Variants in FAR1 observed in about 807,000 individuals in gnomAD.
FAR1 encodes fatty acyl-CoA reductase 1, also known as male sterility domain-containing protein 2.
A neutral mutation model predicts 61.1 loss-of-function variants in FAR1; 22 were observed. The ratio of observed to expected loss-of-function variants is 0.36; its 90% CI spans 0.26 to 0.51. The LOEUF (loss-of-function observed/expected upper bound fraction) is 0.51, where lower values mean the gene tolerates loss of function less well. Ranked by LOEUF, FAR1 falls within the 20% of genes least tolerant of loss-of-function variation. The pLI is 0.95. For synonymous variants in FAR1, 206 were observed against 209.7 expected, an observed-to-expected ratio of 0.98 and a Z score of 0.15; for missense variants, 359 against 626.9, an observed-to-expected ratio of 0.57 and a Z score of 4.56.
In FAR1 at chr11:13,728,648, T is replaced by G; in HGVS notation, c.1422T>G (p.Leu474=). 6.2e-7 allele frequency: 1 copy of G among 1,612,418 alleles called. No individual in the cohort carries two copies. Among genetic ancestry groups the G allele is most frequent in the South Asian group, 1.1e-5 (1 of 91,028 alleles). The part of the protein sequence containing the change: ...RNIRYGFNTI[L]VILIWRIFIA... ...TACGTTATGGTTTTAATACTATCCT[T>G]GTGATCCTCATCTGGCGCATTTTTA... Residue 474 remains leucine (L), a synonymous_variant, in exon 12 of 12, where the codon CTT becomes CTG. Transcript: ENST00000354817.
chr11:13,672,560 A>AG (rs1565336568), intron 1 of FAR1, among the ~76,000 whole-genome samples: 1 of 151,344 alleles, frequency 6.6e-6, no homozygotes. Context: ...AAAAAAAAAA[A>AG]GTGAGCATTA....
chr11:13,727,124 C>T (rs1848675267), intron 10 of FAR1, among the ~76,000 whole-genome samples: 1 of 151,946 alleles, frequency 6.6e-6, no homozygotes, highest in South Asian at 2.1e-4. Flanking sequence ...GTTTTCATAA[C>T]GCATCTTGAT....
intron 3 of FAR1, among the ~76,000 whole-genome samples, chr11:13,703,195 T>C (rs773179820): frequency 6.6e-6 from 1 of 152,058 alleles, no homozygotes; most frequent in Admixed American, 6.5e-5. Flanking sequence ...TTTTTGTTTT[T>C]GTTTGAGATA....
chr11:13,694,671 A>G, intron 1 of FAR1, 88 bp from the exon 2 acceptor site: 1 of 1,176,362 alleles, frequency 8.5e-7, no homozygotes, highest in Non-Finnish European at 1.2e-6. Context: ...TGCTTTTTAA[A>G]ATACTTATTT....
At chr11:13,708,464 CACACACACACACAT>C (rs769177742) in intron 4 of FAR1, among the ~76,000 whole-genome samples, 3 of 148,026 alleles carry the variant, frequency 2.0e-5, no homozygotes, top group African/African-American at 5.1e-5. Context: ...CACACACACA[CACACACACACACAT>C]ACATTTATCT....
chr11:13,676,612 G>A (rs1433704807), intron 1 of FAR1, among the ~76,000 whole-genome samples: 1 of 152,132 alleles, frequency 6.6e-6, no homozygotes, highest in Non-Finnish European at 1.5e-5. Flanking sequence ...GGCCCTAAAT[G>A]AGTTTCTTAG....
intron 5 of FAR1, chr11:13,711,151 T>C (rs922900322): frequency 2.4e-5 from 9 of 370,582 alleles, no homozygotes; most frequent in African/African-American, 1.7e-4. Context: ...GTTTGTTTCT[T>C]AGTAGCAAAA....
At chr11:13,689,591 A>G (rs1351573612) in intron 1 of FAR1, among the ~76,000 whole-genome samples, 1 of 152,226 alleles carries the variant, frequency 6.6e-6, no homozygotes, top group Non-Finnish European at 1.5e-5. Context: ...TGGTGCTGTT[A>G]TAACCATACT....
At chr11:13,710,515 T>G (rs1848486347) in intron 4 of FAR1, among the ~76,000 whole-genome samples, 178 bp from the exon 5 acceptor site, 1 of 152,158 alleles carries the variant, frequency 6.6e-6, no homozygotes, top group South Asian at 2.1e-4. Flanking sequence ...GATAAGGGAT[T>G]GTGGACCTGT....
At chr11:13,722,951 A>T (rs1848628085) in intron 10 of FAR1, among the ~76,000 whole-genome samples, 1 of 151,966 alleles carries the variant, frequency 6.6e-6, no homozygotes, top group Non-Finnish European at 1.5e-5. Context: ...TGCCTGAAAT[A>T]TATTCAGCAT....
intron 2 of FAR1, among the ~76,000 whole-genome samples, chr11:13,698,577 TCC>T (rs1848334271): frequency 6.6e-6 from 1 of 152,110 alleles, no homozygotes; most frequent in Non-Finnish European, 1.5e-5. Flanking sequence ...ACGCCTATAA[TCC>T]CAGCGCTTTG....
intron 4 of FAR1, among the ~76,000 whole-genome samples, chr11:13,709,995 A>T (rs916038539): frequency 4.6e-5 from 7 of 152,074 alleles, no homozygotes; most frequent in African/African-American, 1.7e-4. Context: ...CTTCAAAGAG[A>T]ACTGGAGGAA....
Position 13,731,273 on chromosome 11 carries a change from CATAAA to C in FAR1, c.*2504_*2508del, listed in dbSNP as rs1468768537. On this transcript the variant is annotated 3_prime_UTR_variant, in exon 12 of 12. Transcript: ENST00000354817. ...AGTACGTTCTTTGACTTAAGGATGG[CATAAA>C]ATAATCATTTTTGAACCTGTGTAAT... is the stretch of plus-strand genomic sequence containing the variant. 2 of 152,558 alleles carry C rather than the reference CATAAA, an allele frequency of 1.3e-5. No homozygotes were observed. The highest frequency in any genetic ancestry group is 3.8e-4 in the East Asian group (2 of 5,196). The allele number at this position is 152,558 out of a possible 1,614,324, so 9.5% of individuals were successfully genotyped here.
At chr11:13,715,395 GTT>G in intron 9 of FAR1, among the ~76,000 whole-genome samples, 1 of 152,148 alleles carries the variant, frequency 6.6e-6, no homozygotes, top group East Asian at 1.9e-4. Flanking sequence ...GGTTGTCATT[GTT>G]ATTATAAGCT....
chr11:13,676,120 TCTG>T (rs1366300635), intron 1 of FAR1, among the ~76,000 whole-genome samples: 1 of 152,176 alleles, frequency 6.6e-6, no homozygotes, highest in Non-Finnish European at 1.5e-5. Context: ...TTCTGTGTGT[TCTG>T]CTTGCCTTTT....
chr11:13,698,044 T>C (rs556502542), intron 2 of FAR1, among the ~76,000 whole-genome samples: 1 of 152,286 alleles, frequency 6.6e-6, no homozygotes, highest in Admixed American at 6.5e-5. Flanking sequence ...TACCTGTATG[T>C]GGTTAGTAAA....
chr11:13,682,238 A>G (rs1848135325), intron 1 of FAR1, among the ~76,000 whole-genome samples: 1 of 152,204 alleles, frequency 6.6e-6, no homozygotes. Context: ...GTCAGTAACA[A>G]TAGTAGTAGT....
At chr11:13,678,037 A>G (rs894267120) in intron 1 of FAR1, among the ~76,000 whole-genome samples, 1 of 152,242 alleles carries the variant, frequency 6.6e-6, no homozygotes, top group Non-Finnish European at 1.5e-5. Flanking sequence ...ACTAAAGACA[A>G]CACAGTTTCA....
At chr11:13,697,780 CTTT>C (rs1198211914) in intron 2 of FAR1, among the ~76,000 whole-genome samples, 1 of 152,064 alleles carries the variant, frequency 6.6e-6, no homozygotes, top group East Asian at 1.9e-4. Flanking sequence ...TTAAAAAGTA[CTTT>C]TTTAGTCATT....
Sources: allele counts gnomAD v4.1 joint callset (sites outside exome capture counted in the v4.1 genomes callset), GRCh38; gene constraint gnomAD v4.1.1; transcripts MANE v1.5; gene names NCBI Gene and HGNC (gene_info 2026-07-23, HGNC 2026-07-21).